Variants in DEAF1 observed in about 807,000 individuals in gnomAD.
DEAF1 encodes DEAF1 transcription factor.
DEAF1 carries 53 observed loss-of-function variants against 58.9 expected under a neutral mutation model. The observed-to-expected ratio is 0.90, with a 90% CI of 0.72 to 1.13. The LOEUF is 1.13. Among genes scored for constraint, DEAF1 ranks in the 50% most tolerant of loss-of-function variants. The probability of loss-of-function intolerance (pLI) is 0.00; values close to 1 mark genes in which losing one functional copy is unlikely to be tolerated. For missense variants in DEAF1, 685 were observed against 791.4 expected (o/e 0.87, Z 1.61); for synonymous variants, 385 against 340.4 (o/e 1.13, Z -1.44).
chr11:663,920 G>A (rs949329496), intron 10 of DEAF1, among the ~76,000 whole-genome samples: 4 of 152,118 alleles, frequency 2.6e-5, no homozygotes, highest in South Asian at 2.1e-4. Context: ...TCAAGAAAAC[G>A]GACAAAATAG....
At position 649,272 on chromosome 11, in the gene DEAF1, C is replaced by A. The variant is rs546245645; in HGVS notation, c.1594-4618G>T. On this transcript the variant is annotated intron_variant, in intron 11 of 11. Coordinates refer to ENST00000382409, the MANE Select transcript of DEAF1 (RefSeq NM_021008.4). Reference sequence around the variant, plus strand: ...TCACACACACACACAACAACAACAACAAAAACGGGCATGGTGGCGGGTGCC... The same window carrying A: ...TCACACACACACACAACAACAACAAAAAAAACGGGCATGGTGGCGGGTGCC... Among the ~76,000 whole-genome samples, 3 of 151,298 alleles carry A rather than the reference C, an allele frequency of 2.0e-5. No individual in the cohort carries two copies. In the East Asian group the frequency reaches 5.9e-4, roughly 30 times the overall value.
At chr11:652,957 G>A (rs1858848079) in intron 11 of DEAF1, among the ~76,000 whole-genome samples, 1 of 151,182 alleles carries the variant, frequency 6.6e-6, no homozygotes, top group Non-Finnish European at 1.5e-5. Flanking sequence ...GGTGGCGCAT[G>A]CCTGTAATCC....
At chr11:676,629 C>G (rs1315561425) in intron 9 of DEAF1, among the ~76,000 whole-genome samples, 1 of 151,902 alleles carries the variant, frequency 6.6e-6, no homozygotes, top group Non-Finnish European at 1.5e-5. Context: ...CTCAGCCTCC[C>G]GAGTAGCTGG....
upstream of DEAF1, chr11:695,924 C>T (rs1198085168): frequency 1.8e-6 from 2 of 1,107,672 alleles, no homozygotes; most frequent in Non-Finnish European, 2.3e-6. Flanking sequence ...ATCCGGTTTC[C>T]GCTTTCGGTG....
In DEAF1 at chr11:695,141, G is replaced by A; in HGVS notation, c.-94C>T. 8.3e-7 allele frequency: 1 copy of A among 1,202,470 alleles called. No individual in the cohort carries two copies. The highest frequency in any genetic ancestry group is 1.7e-5 in the South Asian group (1 of 59,944). 74.5% of individuals were successfully genotyped at this position (1,202,470 alleles called of 1,614,324 possible). A position where few individuals can be genotyped will look rare whatever the true frequency, so the allele number is the denominator to read the frequency against. ...AGCGGGGCCCGAAGAGGACGCCCGA[G>A]CTGGGCCGAGGCCGCCCGAAGCCGC... is the stretch of plus-strand genomic sequence containing the variant. On this transcript the variant is annotated 5_prime_UTR_variant, in exon 1 of 12. Transcript: ENST00000382409.
chr11:692,427 C>T (rs1860875098), intron 1 of DEAF1: 1 of 154,446 alleles, frequency 6.5e-6, no homozygotes, highest in Non-Finnish European at 1.4e-5. Context: ...GCAAGTGGCT[C>T]TTCTGTCACC....
intron 10 of DEAF1, among the ~76,000 whole-genome samples, chr11:655,871 C>T (rs949954593): frequency 2.0e-5 from 3 of 152,006 alleles, no homozygotes; most frequent in Admixed American, 6.6e-5. Flanking sequence ...CTCACTCTGT[C>T]GCCCAGGCTG....
chr11:647,170 A>AATAGGCTGGGTACGG (rs1858536524), intron 11 of DEAF1, among the ~76,000 whole-genome samples: 1 of 151,968 alleles, frequency 6.6e-6, no homozygotes, highest in African/African-American at 2.4e-5. Context: ...GAAAACCTAA[A>AATAGGCTGGGTACGG]ATAGGCTGGG....
At chr11:645,851 C>T (rs889405145) in intron 11 of DEAF1, among the ~76,000 whole-genome samples, 1 of 152,164 alleles carries the variant, frequency 6.6e-6, no homozygotes, top group Non-Finnish European at 1.5e-5. Flanking sequence ...CAGCTCCGTG[C>T]ACGGGGGCGT....
intron 10 of DEAF1, among the ~76,000 whole-genome samples, chr11:671,372 C>T (rs546372178): frequency 2.0e-5 from 3 of 152,060 alleles, no homozygotes; most frequent in East Asian, 3.9e-4. Context: ...AGGTGCCCAC[C>T]ACCACACCCA....
In DEAF1 at chr11:680,918, C is replaced by T. The variant is rs370595352; in HGVS notation, c.997+45G>A. The T allele has an allele frequency of 1.5e-5, 25 of 1,613,836 alleles. No homozygotes were observed. The African/African-American group carries it at 3.1e-4, about 20-fold the overall frequency. ...AGTGGTGACGAGAGAAGGCAATGCA[C>T]TCAGGTCCCCTCAGTAAACTAGAGC... On this transcript the variant is annotated intron_variant, in intron 7 of 11. Transcript: ENST00000382409.
Position 644,776 on chromosome 11 carries a change from T to A in DEAF1, c.1594-122A>T. 1 of 773,370 alleles carries A rather than the reference T, an allele frequency of 1.3e-6. No homozygotes were observed. The highest frequency in any genetic ancestry group is 2.2e-6 in the Non-Finnish European group (1 of 452,086). 47.9% of individuals were successfully genotyped at this position (773,370 alleles called of 1,614,324 possible). ...TAACCTCACCTGGAGGTGCTGAGAA[T>A]GCCCTCCCCAGCCCCCGTGCGCCCA... On this transcript the variant is annotated intron_variant, in intron 11 of 11. Coordinates refer to ENST00000382409, the MANE Select transcript of DEAF1 (RefSeq NM_021008.4). This position sits in a 1 kb window ranked among gnomAD's most constrained non-coding sequence, Gnocchi z 4.3.
At chr11:693,276 CCAA>C (rs1860915721) in intron 1 of DEAF1, among the ~76,000 whole-genome samples, 1 of 152,186 alleles carries the variant, frequency 6.6e-6, no homozygotes, top group Non-Finnish European at 1.5e-5. Context: ...GCTCCAAATC[CCAA>C]CGTCAAACCA....
chr11:650,095 A>G (rs1288134128), intron 11 of DEAF1, among the ~76,000 whole-genome samples: 1 of 150,498 alleles, frequency 6.6e-6, no homozygotes, highest in Admixed American at 6.6e-5. Flanking sequence ...AAAGGCAGAG[A>G]CTAGTGTGGT....
intron 11 of DEAF1, among the ~76,000 whole-genome samples, chr11:648,304 C>G (rs11246235): frequency 0.27 from 40,611 of 150,894 alleles, 6,608 homozygotes; most frequent in African/African-American, 0.46. Flanking sequence ...ATGCCATTCT[C>G]CTGCCTCAGC....
At chr11:662,149 C>T (rs1372899694) in intron 10 of DEAF1, among the ~76,000 whole-genome samples, 3 of 152,054 alleles carry the variant, frequency 2.0e-5, no homozygotes, top group Non-Finnish European at 2.9e-5. Flanking sequence ...CGCAGTAGTG[C>T]GCACCTGTAA....
At chr11:656,795 G>A (rs1030971907) in intron 10 of DEAF1, among the ~76,000 whole-genome samples, 25 of 152,178 alleles carry the variant, frequency 1.6e-4, no homozygotes, top group African/African-American at 5.1e-4. Context: ...CTGTTGCCTC[G>A]CAGGCGCCTC....
rs775568710 is a variant in DEAF1 at position 674,529 on chromosome 11, A to C, written c.1503+7T>G. On this transcript the variant is annotated splice_region_variant and intron_variant, in intron 10 of 11. Transcript: ENST00000382409. ...AGGTCGTGTCTTCCCATTTGTTCCA[A>C]GGTTACCTCCTTCCGCTCTGCGTCA... 3 of 1,613,678 alleles carry C rather than the reference A, an allele frequency of 1.9e-6. No individual in the cohort carries two copies. Among genetic ancestry groups the C allele is most frequent in the Non-Finnish European group, 2.5e-6 (3 of 1,179,966 alleles).
At position 695,015 on chromosome 11, in the gene DEAF1, C is replaced by A; in HGVS notation, c.33G>T (p.Leu11=). 1 of 1,400,858 alleles carries A rather than the reference C, an allele frequency of 7.1e-7. No homozygotes were observed. Among genetic ancestry groups the A allele is most frequent in the Non-Finnish European group, 9.3e-7 (1 of 1,074,250 alleles). The allele number at this position is 1,400,858 out of a possible 1,614,324, so 86.8% of individuals were successfully genotyped here. A position where few individuals can be genotyped will look rare whatever the true frequency, so the allele number is the denominator to read the frequency against. The part of the protein sequence containing the change: MEDSDSAAKQ[L]GLAEAAAVAA... ...CCACCGCCGCCGCCTCAGCCAGGCC[C>A]AGCTGCTTTGCCGCCGAGTCCGAGT... Residue 11 remains leucine, a synonymous_variant, in exon 1 of 12, where the codon CTG becomes CTT. Transcript: ENST00000382409.
Sources: gnomAD v4.1 joint callset for allele counts (sites outside exome capture counted in the v4.1 genomes callset) on GRCh38, gnomAD v4.1.1 for gene constraint, Gnocchi (gnomAD v3.1) non-coding constraint, MANE v1.5 for transcripts, NCBI Gene and HGNC (gene_info 2026-07-23, HGNC 2026-07-21) for gene names.